Variants in PTCHD1 observed in about 807,000 individuals in gnomAD.
The protein encoded by PTCHD1 is patched domain-containing protein 1.
In PTCHD1, 3 loss-of-function variants were observed where a neutral mutation model predicts 34.6. That is an observed-to-expected ratio of 0.09 (90% confidence interval 0.04 to 0.22). The LOEUF (loss-of-function observed/expected upper bound fraction) is 0.22. PTCHD1 is among the 10% of genes least tolerant of loss of function. The pLI, the probability that PTCHD1 is intolerant of heterozygous loss-of-function variation, is 1.00. For missense variants in PTCHD1, 504 were observed against 685.5 expected (o/e 0.74, Z 2.96); for synonymous variants, 305 against 283.1 (o/e 1.08, Z -0.77).
At chrX:23,392,410 C>A in intron 2 of PTCHD1, 121 bp from the exon 3 acceptor site, 1 of 527,425 alleles carries the variant, frequency 1.9e-6, no homozygotes, top group East Asian at 3.5e-5. Flanking sequence ...ATTTACATAC[C>A]CGTCACCACT....
chrX:23,374,307 A>AC (rs1922351809), intron 1 of PTCHD1, among the ~76,000 whole-genome samples: 12 of 48,081 alleles, frequency 2.5e-4, no homozygotes, highest in Non-Finnish European at 3.7e-4. Flanking sequence ...AAAAAAAAAA[A>AC]AACCCAAAAC....
At chrX:23,391,625 T>G (rs1009153655) in intron 2 of PTCHD1, among the ~76,000 whole-genome samples, 15 of 111,230 alleles carry the variant, frequency 1.3e-4, no homozygotes, top group African/African-American at 4.6e-4. Flanking sequence ...TCTTTATCAC[T>G]AAAACCCTCT....
rs995940798 is a variant in PTCHD1, at chrX:23,368,912, G to T, written c.352-10679G>T. ...ACCCCATCTCTACTAAAAATACAAAGAATTACCCAGACGTGGTGGTGAGCA... is the reference window on the plus strand; with the variant it reads ...ACCCCATCTCTACTAAAAATACAAATAATTACCCAGACGTGGTGGTGAGCA... On this transcript the variant is annotated intron_variant, in intron 1 of 2. Coordinates refer to ENST00000379361, the MANE Select transcript of PTCHD1 (RefSeq NM_173495.3). 2.7e-5 allele frequency among the ~76,000 whole-genome samples: 3 copies of T among 110,263 alleles called. No homozygotes were observed. The Admixed American group carries it at 2.9e-4, about 11-fold the overall frequency.
In PTCHD1 at chrX:23,397,487, G is replaced by A. The variant is rs1923018718; in HGVS notation, c.*3302G>A. 9.0e-6 allele frequency: 1 copy of A among 111,689 alleles called. No homozygotes were observed. The highest frequency in any genetic ancestry group is 1.9e-5 in the Non-Finnish European group (1 of 53,081). The allele number at this position is 111,689 out of a possible 1,213,427, so 9.2% of individuals were successfully genotyped here. A position where few individuals can be genotyped will look rare whatever the true frequency, so the allele number is the denominator to read the frequency against. Reference sequence around the variant, plus strand: ...AGCTCATAAGTTTTACTTTGTTTTGGGTTTTGGAGTTTTTAGTTTCTTTGA... The same window carrying A: ...AGCTCATAAGTTTTACTTTGTTTTGAGTTTTGGAGTTTTTAGTTTCTTTGA... On this transcript the variant is annotated 3_prime_UTR_variant, in exon 3 of 3. Coordinates refer to ENST00000379361, the MANE Select transcript of PTCHD1 (RefSeq NM_173495.3).
chrX:23,361,863 G>C (rs1206036987), intron 1 of PTCHD1, among the ~76,000 whole-genome samples: 1 of 111,423 alleles, frequency 9.0e-6, no homozygotes, highest in African/African-American at 3.3e-5. Flanking sequence ...AAAATCTCTC[G>C]GCATTTGTTT....
chrX:23,347,168 G>A (rs1265670915), intron 1 of PTCHD1, among the ~76,000 whole-genome samples: 1 of 111,555 alleles, frequency 9.0e-6, no homozygotes, highest in Non-Finnish European at 1.9e-5. Flanking sequence ...AGGGGTCAGG[G>A]ATTCAAAGAA....
At position 23,398,859 on chromosome X, in the gene PTCHD1, A is replaced by C. The variant is rs887140653; in HGVS notation, c.*4674A>C. ...CCTCTCACCCGCCCCGCTGCTGCCCAGCTGATTTGTTTGAAGTCCTCTTTG... is the reference window on the plus strand; with the variant it reads ...CCTCTCACCCGCCCCGCTGCTGCCCCGCTGATTTGTTTGAAGTCCTCTTTG... On this transcript the variant is annotated 3_prime_UTR_variant, in exon 3 of 3. Transcript: ENST00000379361. 1 of 111,044 alleles carries C rather than the reference A, an allele frequency of 9.0e-6. No homozygotes were observed. Among genetic ancestry groups the C allele is most frequent in the African/African-American group, 3.3e-5 (1 of 30,452 alleles). 9.2% of individuals were successfully genotyped at this position (111,044 alleles called of 1,213,427 possible). A position where few individuals can be genotyped will look rare whatever the true frequency, so the allele number is the denominator to read the frequency against.
chrX:23,355,315 A>T (rs898588554), intron 1 of PTCHD1, among the ~76,000 whole-genome samples: 3 of 112,648 alleles, frequency 2.7e-5, no homozygotes, highest in Non-Finnish European at 5.6e-5. Flanking sequence ...AGGTTTCCCT[A>T]CTGAGAGTTG....
At chrX:23,345,712 T>TG (rs1310673623) in intron 1 of PTCHD1, among the ~76,000 whole-genome samples, 90 of 111,509 alleles carry the variant, frequency 8.1e-4, no homozygotes, top group African/African-American at 2.9e-3. Context: ...GCCACTGCTA[T>TG]AAAGTATCCT....
chrX:23,399,195 T>G lies in PTCHD1; in HGVS notation c.*5010T>G, dbSNP rs1923063542. 1 of 111,686 alleles carries G rather than the reference T, an allele frequency of 9.0e-6. No individual in the cohort carries two copies. The highest frequency in any genetic ancestry group is 9.5e-5 in the Admixed American group (1 of 10,520). The allele number at this position is 111,686 out of a possible 1,213,427, so 9.2% of individuals were successfully genotyped here. The stretch of plus-strand genomic sequence containing the variant: ...CCCTTTGTTTTTCACATGAGAAAAC[T>G]GAACCCTCGAGTAATGAAATTATAT... On this transcript the variant is annotated 3_prime_UTR_variant, in exon 3 of 3. Coordinates refer to ENST00000379361, the MANE Select transcript of PTCHD1 (RefSeq NM_173495.3).
rs1457400292 is a variant in PTCHD1 at position 23,404,314 on chromosome X, C to A, written c.*10129C>A. On this transcript the variant is annotated 3_prime_UTR_variant, in exon 3 of 3. Coordinates refer to ENST00000379361, the MANE Select transcript of PTCHD1 (RefSeq NM_173495.3). The stretch of plus-strand genomic sequence containing the variant: ...AAAAATTGTATATATTTATGGGATA[C>A]AATGTGATGTTTTGATATATGTATG... The A allele has an allele frequency of 3.6e-5, 4 of 111,562 alleles. No individual in the cohort carries two copies. The highest frequency in any genetic ancestry group is 7.5e-5 in the Non-Finnish European group (4 of 53,110). 9.2% of individuals were successfully genotyped at this position (111,562 alleles called of 1,213,427 possible). A position where few individuals can be genotyped will look rare whatever the true frequency, so the allele number is the denominator to read the frequency against.
chrX:23,358,310 T>C (rs757222248), intron 1 of PTCHD1, among the ~76,000 whole-genome samples: 201 of 112,157 alleles, frequency 1.8e-3, no homozygotes, highest in African/African-American at 6.2e-3. Flanking sequence ...CCACATCCTC[T>C]CCAGCACCTG....
At chrX:23,389,327 A>G (rs947492325) in intron 2 of PTCHD1, among the ~76,000 whole-genome samples, 1 of 111,841 alleles carries the variant, frequency 8.9e-6, no homozygotes, top group African/African-American at 3.3e-5. Context: ...CTCTTCAGCA[A>G]AAATACCCAG....
intron 2 of PTCHD1, among the ~76,000 whole-genome samples, chrX:23,384,980 A>G (rs1922650588): frequency 8.9e-6 from 1 of 112,006 alleles, no homozygotes. Context: ...AATGCTATGG[A>G]AAGACTTTGC....
At position 23,398,631 on chromosome X, in the gene PTCHD1, A is replaced by G. The variant is rs1896175096; in HGVS notation, c.*4446A>G. 8.9e-6 allele frequency: 1 copy of G among 112,141 alleles called. No homozygotes were observed. The highest frequency in any genetic ancestry group is 1.9e-5 in the Non-Finnish European group (1 of 53,273). 9.2% of individuals were successfully genotyped at this position (112,141 alleles called of 1,213,427 possible). A position where few individuals can be genotyped will look rare whatever the true frequency, so the allele number is the denominator to read the frequency against. Reference sequence around the variant, plus strand: ...TTTTTAAAAGAATAGTAAATCTGCAATACAAAGAAAAATATTAAGTTAGTG... The same window carrying G: ...TTTTTAAAAGAATAGTAAATCTGCAGTACAAAGAAAAATATTAAGTTAGTG... On this transcript the variant is annotated 3_prime_UTR_variant, in exon 3 of 3. Transcript: ENST00000379361.
rs745353668 is a variant in PTCHD1 at position 23,403,960 on chromosome X, C to T, written c.*9775C>T. 9 of 112,038 alleles carry T rather than the reference C, an allele frequency of 8.0e-5. No homozygotes were observed. The highest frequency in any genetic ancestry group is 1.6e-4 in the African/African-American group (5 of 30,842). The allele number at this position is 112,038 out of a possible 1,213,427, so 9.2% of individuals were successfully genotyped here. ...TAAAATATGCATTTAAATCATCCCACACCTACACAGAAACAAAATCAGCAG... is the reference window on the plus strand; with the variant it reads ...TAAAATATGCATTTAAATCATCCCATACCTACACAGAAACAAAATCAGCAG... On this transcript the variant is annotated 3_prime_UTR_variant, in exon 3 of 3. Transcript: ENST00000379361.
Position 23,393,765 on chromosome X carries a change from G to A in PTCHD1, c.2247G>A (p.Leu749=), listed in dbSNP as rs1242994391. ...IGFMTLWKVE[L]DCISVLCLIY... ...TCATGACATTATGGAAAGTAGAACT[G>A]GACTGCATTTCTGTGCTATGCTTAA... Residue 749 remains leucine, a synonymous_variant, in exon 3 of 3, where the codon CTG becomes CTA. Coordinates refer to ENST00000379361, the MANE Select transcript of PTCHD1 (RefSeq NM_173495.3). 5.0e-6 allele frequency: 6 copies of A among 1,211,547 alleles called. No homozygotes were observed. In the South Asian group the frequency reaches 5.3e-5, roughly 11 times the overall value.
intron 1 of PTCHD1, among the ~76,000 whole-genome samples, chrX:23,340,094 A>G (rs1921267257): frequency 9.0e-6 from 1 of 111,721 alleles, no homozygotes; most frequent in Non-Finnish European, 1.9e-5. Flanking sequence ...CAACAACAAA[A>G]TTACCCAGCC....
chrX:23,380,345 C>T (rs774441474), intron 2 of PTCHD1, 94 bp downstream of exon 2: 1 of 850,728 alleles, frequency 1.2e-6, no homozygotes, highest in Non-Finnish European at 1.7e-6. Flanking sequence ...AACTTTGTTT[C>T]ATTTAACAGT....
Sources: gnomAD v4.1 joint callset for allele counts (sites outside exome capture counted in the v4.1 genomes callset) on GRCh38, gnomAD v4.1.1 for gene constraint, MANE v1.5 for transcripts, NCBI Gene and HGNC (gene_info 2026-07-23, HGNC 2026-07-21) for gene names.